Variants in SPATA2 observed in about 807,000 individuals in gnomAD.
SPATA2 encodes spermatogenesis associated 2.
In SPATA2, 8 loss-of-function variants were observed where a neutral mutation model predicts 35.4. The observed-to-expected ratio is 0.23, with a 90% CI of 0.13 to 0.41. The LOEUF is 0.41. Ranked by LOEUF, SPATA2 falls within the 10% of genes least tolerant of loss-of-function variation. The probability of loss-of-function intolerance (pLI) is 1.00; values close to 1 mark genes in which losing one functional copy is unlikely to be tolerated. For missense variants in SPATA2, 650 were observed against 698.7 expected (o/e 0.93, Z 0.79); for synonymous variants, 293 against 300.9 (o/e 0.97, Z 0.27).
Position 49,905,745 on chromosome 20 carries a change from T to C in SPATA2, c.1437A>G (p.Ser479=). The C allele has an allele frequency of 6.2e-7, 1 of 1,614,222 alleles. No homozygotes were observed. The highest frequency in any genetic ancestry group is 8.5e-7 in the Non-Finnish European group (1 of 1,180,032). Residue 479 remains serine, a synonymous_variant, in exon 3 of 3, where the codon TCA becomes TCG. Transcript: ENST00000289431. The part of the protein sequence containing the change: ...TNTCTQCSKV[S]CDACLSAYHY... The stretch of plus-strand genomic sequence containing the variant: ...GGTAAGCGCTGAGGCAGGCGTCACA[T>C]GAGACTTTTGAACACTGGGTGCAGG...
chr20:49,908,574 C>T lies in SPATA2; in HGVS notation c.-84G>A. On this transcript the variant is annotated 5_prime_UTR_variant, in exon 2 of 3. Coordinates refer to ENST00000289431, the MANE Select transcript of SPATA2 (RefSeq NM_006038.4). ...CACTAAAAGCATGGACATGTTGCCG[C>T]CTGGACCAGCGGAGTGCTCTGGAAG... 2 of 1,148,876 alleles carry T rather than the reference C, an allele frequency of 1.7e-6. No homozygotes were observed. The highest frequency in any genetic ancestry group is 2.5e-6 in the Non-Finnish European group (2 of 806,200). 71.2% of individuals were successfully genotyped at this position (1,148,876 alleles called of 1,614,324 possible). A position where few individuals can be genotyped will look rare whatever the true frequency, so the allele number is the denominator to read the frequency against.
chr20:49,911,732 T>C (rs1360825238), intron 1 of SPATA2, among the ~76,000 whole-genome samples: 1 of 152,060 alleles, frequency 6.6e-6, no homozygotes. Context: ...AAAGGATGTC[T>C]GCATTCACGA....
intron 1 of SPATA2, among the ~76,000 whole-genome samples, chr20:49,914,299 G>A (rs1330258492): frequency 6.6e-6 from 1 of 152,154 alleles, no homozygotes; most frequent in Non-Finnish European, 1.5e-5. Context: ...ATTCCGAGTA[G>A]CTAAGCATTA....
rs1042361496 is a variant in SPATA2 at position 49,915,509 on chromosome 20, G to A, written c.-232C>T. 1 of 152,284 alleles carries A rather than the reference G, an allele frequency of 6.6e-6. No individual in the cohort carries two copies. The highest frequency in any genetic ancestry group is 1.5e-5 in the Non-Finnish European group (1 of 68,102). The allele number at this position is 152,284 out of a possible 1,614,324, so 9.4% of individuals were successfully genotyped here. ...AGGGGTACTGAGACCAGTACCCGGG[G>A]GCCAGCAGCGACCCGGAAACACTCG... On this transcript the variant is annotated 5_prime_UTR_variant, in exon 1 of 3. Coordinates refer to ENST00000289431, the MANE Select transcript of SPATA2 (RefSeq NM_006038.4).
At chr20:49,908,911 A>C (rs1418207442) in intron 1 of SPATA2, among the ~76,000 whole-genome samples, 1 of 152,230 alleles carries the variant, frequency 6.6e-6, no homozygotes, top group African/African-American at 2.4e-5. Flanking sequence ...ACAGACCTGA[A>C]GGATGAGGAG....
chr20:49,913,917 C>A (rs538764779), intron 1 of SPATA2, among the ~76,000 whole-genome samples: 1 of 152,122 alleles, frequency 6.6e-6, no homozygotes, highest in Non-Finnish European at 1.5e-5. Context: ...CAACAAAATA[C>A]GCTCTCTGCA....
chr20:49,910,946 G>A (rs1464493156), intron 1 of SPATA2, among the ~76,000 whole-genome samples: 2 of 152,244 alleles, frequency 1.3e-5, no homozygotes, highest in African/African-American at 2.4e-5. Flanking sequence ...CAGGTGCGGG[G>A]GCTCACGCCT....
At chr20:49,907,234 T>C (rs2090152187) in intron 2 of SPATA2, among the ~76,000 whole-genome samples, 2 of 152,182 alleles carry the variant, frequency 1.3e-5, no homozygotes, top group Non-Finnish European at 2.9e-5. Flanking sequence ...CTAATTTTTC[T>C]GTTTTTAGTA....
In SPATA2 at chr20:49,906,407, T is replaced by A; in HGVS notation, c.775A>T (p.Ser259Cys). The A allele has an allele frequency of 6.2e-7, 1 of 1,613,494 alleles. No homozygotes were observed. Among genetic ancestry groups the A allele is most frequent in the Middle Eastern group, 1.6e-4 (1 of 6,062 alleles). Residue 259 changes from serine to cysteine, a missense_variant, in exon 3 of 3, where the codon AGC becomes TGC. Coordinates refer to ENST00000289431, the MANE Select transcript of SPATA2 (RefSeq NM_006038.4). The surrounding 1 kb of genome is among the most constrained non-coding windows in gnomAD (Gnocchi z 8.2). ...KPSRSVDAYD[S>C]YWESRKPPLK... is the part of the protein sequence containing the mutation. The stretch of plus-strand genomic sequence containing the variant: ...GGTGGCTTCCGGCTCTCCCAGTAGC[T>A]GTCATAGGCATCCACTGACCTCGAG...
Position 49,905,509 on chromosome 20 carries a change from TG to T in SPATA2, c.*109del. On this transcript the variant is annotated 3_prime_UTR_variant, in exon 3 of 3. Transcript: ENST00000289431. ...CAGCCCACGATCTCTGCCACCTACA[TG>T]GTCAAGTGCAGGCCTCCGCCTCTGA... 1 of 1,257,628 alleles carries T rather than the reference TG, an allele frequency of 8.0e-7. No homozygotes were observed. Among genetic ancestry groups the T allele is most frequent in the Non-Finnish European group, 1.1e-6 (1 of 901,018 alleles). The allele number at this position is 1,257,628 out of a possible 1,614,324, so 77.9% of individuals were successfully genotyped here.
rs775925900 is a variant in SPATA2, at chr20:49,906,607, T to A, written c.575A>T (p.Asp192Val). 6.2e-7 allele frequency: 1 copy of A among 1,614,238 alleles called. No homozygotes were observed. The highest frequency in any genetic ancestry group is 8.5e-7 in the Non-Finnish European group (1 of 1,180,040). ...QVKDKGYSEL[D>V]IVSERKSSAE... is the part of the protein sequence containing the mutation. ...ACTGCTCTTGCGCTCGCTCACAATG[T>A]CCAGCTCGGAGTAGCCCTTGTCCTT... is the stretch of plus-strand genomic sequence containing the variant. The change falls in exon 3 of 3, where the codon GAC (aspartate) becomes GTC (valine). Residue 192 changes from aspartate to valine, a missense_variant. Coordinates refer to ENST00000289431, the MANE Select transcript of SPATA2 (RefSeq NM_006038.4). The surrounding 1 kb of genome is among the most constrained non-coding windows in gnomAD (Gnocchi z 8.2).
At position 49,906,225 on chromosome 20, in the gene SPATA2, G is replaced by A. The variant is rs146188594; in HGVS notation, c.957C>T (p.Asn319=). Residue 319 remains asparagine (N), a synonymous_variant, in exon 3 of 3, where the codon AAC becomes AAT. Coordinates refer to ENST00000289431, the MANE Select transcript of SPATA2 (RefSeq NM_006038.4). The surrounding 1 kb of genome is among the most constrained non-coding windows in gnomAD (Gnocchi z 8.2). ...AGGTACCGCGCAGCAGGGCCGGGCC[G>A]TTGCTGGGGGAGGCGGGTGGAAGCA... is the stretch of plus-strand genomic sequence containing the variant. ...PDVLPPASPS[N]GPALLRGTYF... is the part of the protein sequence containing the mutation. The A allele has an allele frequency of 4.8e-5, 75 of 1,569,084 alleles. No homozygotes were observed. The highest frequency in any genetic ancestry group is 1.1e-4 in the Admixed American group (6 of 56,254).
chr20:49,908,667 T>C (rs964907926), intron 1 of SPATA2, 75 bp from the exon 2 acceptor site: 3 of 602,692 alleles, frequency 5.0e-6, no homozygotes, highest in Non-Finnish European at 8.8e-6. Flanking sequence ...TGAGGCAAAA[T>C]GAACAGCAGA....
intron 1 of SPATA2, among the ~76,000 whole-genome samples, chr20:49,914,996 G>C (rs1286256379): frequency 6.6e-6 from 1 of 152,254 alleles, no homozygotes. Context: ...TTAAGATGAA[G>C]TGACTTATCC....
chr20:49,906,841 T>G lies in SPATA2; in HGVS notation c.341A>C (p.Tyr114Ser), dbSNP rs776894825. ...GACATAATAAACAAAAGGGCCCGTG[T>G]AGGTCTAGAAGGGAGGGAGTAGAAA... Reference protein sequence around the residue: ...WKKEFRSIKTYTGPFVYYVKS... With the variant: ...WKKEFRSIKTSTGPFVYYVKS... The change falls in exon 3 of 3, where the codon TAC becomes TCC. Residue 114 changes from tyrosine (Y) to serine (S), a missense_variant. Physicochemically the swap from Tyr to Ser is moderately radical, Grantham distance 144. Transcript: ENST00000289431. The surrounding 1 kb of genome is among the most constrained non-coding windows in gnomAD (Gnocchi z 8.2). The G allele has an allele frequency of 6.2e-7, 1 of 1,608,254 alleles. No individual in the cohort carries two copies. The highest frequency in any genetic ancestry group is 1.1e-5 in the South Asian group (1 of 90,894).
In SPATA2 at chr20:49,904,581, C is replaced by G. The variant is rs942792432; in HGVS notation, c.*1038G>C. 4.6e-5 allele frequency: 7 copies of G among 152,622 alleles called. No individual in the cohort carries two copies. Among genetic ancestry groups the G allele is most frequent in the Middle Eastern group, 3.1e-3 (1 of 318 alleles). 9.5% of individuals were successfully genotyped at this position (152,622 alleles called of 1,614,324 possible). ...CAGACCTCGACACCCGCGCTCACCC[C>G]CTAAGTGCACACTGGAGGTAGGTGT... On this transcript the variant is annotated 3_prime_UTR_variant, in exon 3 of 3. Transcript: ENST00000289431.
At chr20:49,910,140 A>G (rs1019268591) in intron 1 of SPATA2, among the ~76,000 whole-genome samples, 1 of 152,234 alleles carries the variant, frequency 6.6e-6, no homozygotes, top group African/African-American at 2.4e-5. Context: ...ATGGAGGGAC[A>G]CTGCCAGGGC....
chr20:49,906,833 G>A lies in SPATA2; in HGVS notation c.349C>T (p.Pro117Ser), dbSNP rs779798703. Residue 117 changes from proline (P) to serine (S), a missense_variant, in exon 3 of 3, where the codon CCT becomes TCT. Physicochemically the swap from Pro to Ser is moderately conservative, Grantham distance 74. Transcript: ENST00000289431. The surrounding 1 kb of genome is among the most constrained non-coding windows in gnomAD (Gnocchi z 8.2). ...EFRSIKTYTG[P>S]FVYYVKSTLL... ...GTCGACTTGACATAATAAACAAAAG[G>A]GCCCGTGTAGGTCTAGAAGGGAGGG... 6.2e-7 allele frequency: 1 copy of A among 1,609,464 alleles called. No homozygotes were observed. The highest frequency in any genetic ancestry group is 8.5e-7 in the Non-Finnish European group (1 of 1,176,614).
At chr20:49,913,611 T>C (rs896713385) in intron 1 of SPATA2, 1 of 152,224 alleles carries the variant, frequency 6.6e-6, no homozygotes, top group African/African-American at 2.4e-5. Context: ...TCGAAAGTGT[T>C]TGGCTAAGTT....
Sources: gnomAD v4.1 joint callset for allele counts (sites outside exome capture counted in the v4.1 genomes callset) on GRCh38, gnomAD v4.1.1 for gene constraint, Gnocchi (gnomAD v3.1) non-coding constraint, MANE v1.5 for transcripts, NCBI Gene and HGNC (gene_info 2026-07-23, HGNC 2026-07-21) for gene names.